CNTNAP2: variants seen among roughly 807,000 people sequenced by gnomAD.
The protein encoded by CNTNAP2 is contactin-associated protein-like 2.
A neutral mutation model predicts 155.2 loss-of-function variants in CNTNAP2; 98 were observed. That is an observed-to-expected ratio of 0.63 (90% confidence interval 0.54 to 0.75). The LOEUF is 0.75. Ranked by LOEUF, CNTNAP2 falls within the 30% of genes least tolerant of loss-of-function variation. The probability of loss-of-function intolerance (pLI) is 0.00; values close to 1 mark genes in which losing one functional copy is unlikely to be tolerated. For missense variants in CNTNAP2, 1,727 were observed against 1,688.1 expected (o/e 1.02, Z -0.40); for synonymous variants, 651 against 631.2 (o/e 1.03, Z -0.47).
intron 1 of CNTNAP2, among the ~76,000 whole-genome samples, chr7:146,127,086 A>G (rs1004771406): frequency 6.6e-6 from 1 of 152,130 alleles, no homozygotes; most frequent in African/African-American, 2.4e-5. Flanking sequence ...TCCTAACCCA[A>G]CATTTGCACC....
chr7:146,141,144 T>G (rs1201941988), intron 1 of CNTNAP2, among the ~76,000 whole-genome samples: 5 of 152,160 alleles, frequency 3.3e-5, no homozygotes. Context: ...TTTTCACCAT[T>G]TCAGAAAGTC....
intron 9 of CNTNAP2, among the ~76,000 whole-genome samples, chr7:147,383,716 C>T (rs1176467107): frequency 2.0e-5 from 3 of 152,046 alleles, no homozygotes; most frequent in Middle Eastern, 3.2e-3. Context: ...CAGCAAACCA[C>T]CATGGCACAT....
intron 13 of CNTNAP2, among the ~76,000 whole-genome samples, chr7:147,859,378 G>A (rs1233273912): frequency 6.7e-6 from 1 of 149,338 alleles, no homozygotes; most frequent in African/African-American, 2.5e-5. Context: ...CTGTAAAGCA[G>A]GTAGTTTAAT....
rs555690792 is a variant in CNTNAP2, at chr7:146,845,408, C to T, written c.402+5504C>T. Among the ~76,000 whole-genome samples, 4 of 152,206 alleles carry T rather than the reference C, an allele frequency of 2.6e-5. No homozygotes were observed. In the South Asian group the frequency reaches 8.3e-4, roughly 32 times the overall value. ...GAGATCTGACTTTATTTCTCTGTTCCTGAAATCCTAATCTGAGAAGTAGAT... is the reference window on the plus strand; with the variant it reads ...GAGATCTGACTTTATTTCTCTGTTCTTGAAATCCTAATCTGAGAAGTAGAT... On this transcript the variant is annotated intron_variant, in intron 3 of 23. Coordinates refer to ENST00000361727, the MANE Select transcript of CNTNAP2 (RefSeq NM_014141.6).
rs2116673728 is a variant in CNTNAP2, at chr7:147,503,686, A to G, written c.1777+17645A>G. 3.3e-5 allele frequency among the ~76,000 whole-genome samples: 3 copies of G among 91,736 alleles called. 1 individual carries two copies. Among genetic ancestry groups the G allele is most frequent in the African/African-American group, 1.4e-4 (3 of 21,270 alleles). The allele number at this position is 91,736 out of a possible 152,430, so 60.2% of individuals were successfully genotyped here. ...AACTTAAACGGATTTCTCTTTTGTA[A>G]AAAAAAAAAAATATTTTTGACAGCA... On this transcript the variant is annotated intron_variant, in intron 11 of 23. Coordinates refer to ENST00000361727, the MANE Select transcript of CNTNAP2 (RefSeq NM_014141.6).
In CNTNAP2 at chr7:146,290,346, A is replaced by C. The variant is rs922495522; in HGVS notation, c.97+173373A>C. Among the ~76,000 whole-genome samples, 4 of 152,192 alleles carry C rather than the reference A, an allele frequency of 2.6e-5. No homozygotes were observed. The South Asian group carries it at 8.3e-4, about 31-fold the overall frequency. On this transcript the variant is annotated intron_variant, in intron 1 of 23. Transcript: ENST00000361727. ...AACCCTCAGTTTAGCAAACCCTATC[A>C]GTTATGGAGAGCAGATAAATCTCAG...
At chr7:146,928,048 T>C (rs1796645365) in intron 3 of CNTNAP2, among the ~76,000 whole-genome samples, 1 of 151,754 alleles carries the variant, frequency 6.6e-6, no homozygotes, top group South Asian at 2.1e-4. Flanking sequence ...ATCCTCCTGT[T>C]TCTACCTGCA....
intron 15 of CNTNAP2, among the ~76,000 whole-genome samples, chr7:148,066,570 T>C (rs1803268100): frequency 6.6e-6 from 1 of 152,126 alleles, no homozygotes; most frequent in Non-Finnish European, 1.5e-5. Context: ...CTATCTCGGC[T>C]CACTGCAAGC....
chr7:148,246,846 G>C lies in CNTNAP2; in HGVS notation c.3381+17067G>C, dbSNP rs570353115. ...AATAAACACAAGATTAGGCTACAGT[G>C]AAGGGAAGTTCTAGACTCACAGGGA... On this transcript the variant is annotated intron_variant, in intron 20 of 23. Coordinates refer to ENST00000361727, the MANE Select transcript of CNTNAP2 (RefSeq NM_014141.6). Among the ~76,000 whole-genome samples the C allele has an allele frequency of 3.5e-4, 53 of 152,314 alleles. 1 individual carries two copies. In the South Asian group the frequency reaches 8.3e-3, roughly 24 times the overall value.
chr7:148,075,512 A>G (rs887169843), intron 15 of CNTNAP2, among the ~76,000 whole-genome samples: 1 of 152,156 alleles, frequency 6.6e-6, no homozygotes, highest in African/African-American at 2.4e-5. Flanking sequence ...CACTTGCTCT[A>G]CTGAAGTAAA....
intron 1 of CNTNAP2, among the ~76,000 whole-genome samples, chr7:146,305,653 C>T (rs1382833849): frequency 7.2e-5 from 11 of 151,926 alleles, no homozygotes; most frequent in Admixed American, 6.6e-4. Flanking sequence ...CCTACGAGGT[C>T]CATAACAAAA....
chr7:147,510,051 G>T (rs950254445), intron 11 of CNTNAP2, among the ~76,000 whole-genome samples: 2 of 152,018 alleles, frequency 1.3e-5, no homozygotes, highest in East Asian at 3.9e-4. Flanking sequence ...TGATTCATAA[G>T]GTCTATAATA....
intron 11 of CNTNAP2, among the ~76,000 whole-genome samples, chr7:147,542,697 G>T (rs1349606273): frequency 6.6e-6 from 1 of 152,106 alleles, no homozygotes; most frequent in East Asian, 1.9e-4. Flanking sequence ...ACCTTGAACA[G>T]GTTTGGTGTC....
intron 3 of CNTNAP2, among the ~76,000 whole-genome samples, chr7:146,878,978 A>AAT (rs1795484608): frequency 6.6e-6 from 1 of 152,228 alleles, no homozygotes; most frequent in Non-Finnish European, 1.5e-5. Flanking sequence ...TCTTCAACAA[A>AAT]ATATCAGTTG....
chr7:147,877,013 AGGGCCCACGTG>A (rs1159831864), intron 13 of CNTNAP2, among the ~76,000 whole-genome samples: 1 of 152,056 alleles, frequency 6.6e-6, no homozygotes, highest in Non-Finnish European at 1.5e-5. Context: ...TGATAGCAGG[AGGGCCCACGTG>A]GGGCTGTTTG....
chr7:147,611,349 A>G (rs1472537889), intron 12 of CNTNAP2, among the ~76,000 whole-genome samples: 1 of 152,214 alleles, frequency 6.6e-6, no homozygotes, highest in Non-Finnish European at 1.5e-5. Flanking sequence ...TAGCAAATGC[A>G]CATAAACCAC....
intron 3 of CNTNAP2, among the ~76,000 whole-genome samples, chr7:146,993,470 A>G (rs993751304): frequency 2.6e-5 from 4 of 152,138 alleles, no homozygotes; most frequent in Admixed American, 6.5e-5. Flanking sequence ...TGCTGATTGC[A>G]TCACCAGTTT....
At chr7:147,086,774 T>C (rs1276258579) in intron 4 of CNTNAP2, among the ~76,000 whole-genome samples, 3 of 152,164 alleles carry the variant, frequency 2.0e-5, no homozygotes, top group Non-Finnish European at 4.4e-5. Context: ...CTTCCTCATG[T>C]AACATGTAGC....
intron 1 of CNTNAP2, among the ~76,000 whole-genome samples, chr7:146,364,694 C>T (rs1795131100): frequency 6.6e-6 from 1 of 152,108 alleles, no homozygotes; most frequent in Non-Finnish European, 1.5e-5. Flanking sequence ...AAAGAATTTT[C>T]CAAGTTCTTT....
Sources: allele counts gnomAD v4.1 joint callset (sites outside exome capture counted in the v4.1 genomes callset), GRCh38; gene constraint gnomAD v4.1.1; transcripts MANE v1.5; gene names NCBI Gene and HGNC (gene_info 2026-07-23, HGNC 2026-07-21).